BCAS3: variants seen among roughly 807,000 people sequenced by gnomAD.
The protein encoded by BCAS3 is BCAS3 microtubule associated cell migration factor, also known as BCAS4/BCAS3 fusion.
BCAS3 carries 53 observed loss-of-function variants against 116.1 expected under a neutral mutation model. The ratio of observed to expected loss-of-function variants is 0.46; its 90% CI spans 0.37 to 0.57. The LOEUF is 0.57. Among genes scored for constraint, BCAS3 ranks in the 20% least tolerant of loss-of-function variants. The pLI is 0.00. For missense variants in BCAS3, 917 were observed against 1,165.4 expected, an observed-to-expected ratio of 0.79 and a Z score of 3.10; for synonymous variants, 391 against 408.2, an observed-to-expected ratio of 0.96 and a Z score of 0.51.
intron 22 of BCAS3, among the ~76,000 whole-genome samples, chr17:61,340,140 G>A (rs891702446): frequency 2.0e-5 from 3 of 152,134 alleles, no homozygotes; most frequent in African/African-American, 7.2e-5. Flanking sequence ...CTCTTTCAAG[G>A]AGTTTTGATT....
At chr17:61,273,978 C>A (rs1471816897) in intron 22 of BCAS3, among the ~76,000 whole-genome samples, 2 of 148,116 alleles carry the variant, frequency 1.4e-5, no homozygotes, top group Non-Finnish European at 3.0e-5. Context: ...TATTATTATA[C>A]TTTAAGTTTT....
In BCAS3 at chr17:61,132,117, C is replaced by T. The variant is rs2076373854; in HGVS notation, c.2425+47553C>T. Among the ~76,000 whole-genome samples the T allele has an allele frequency of 6.6e-6, 1 of 152,150 alleles. No individual in the cohort carries two copies. ...TAAAATTCTTCAGACTTGACACTTGCCTAATTTCTCAGATCATTAAATCAC... is the reference window on the plus strand; with the variant it reads ...TAAAATTCTTCAGACTTGACACTTGTCTAATTTCTCAGATCATTAAATCAC... On this transcript the variant is annotated intron_variant, in intron 22 of 23. Transcript: ENST00000407086. The surrounding 1 kb of genome is among the most constrained non-coding windows in gnomAD (Gnocchi z 5.1).
At chr17:61,225,895 G>A (rs981302837) in intron 22 of BCAS3, among the ~76,000 whole-genome samples, 2 of 152,156 alleles carry the variant, frequency 1.3e-5, no homozygotes, top group Non-Finnish European at 2.9e-5. Context: ...GGAAGGCTTC[G>A]TTATTGGTGA....
At chr17:61,225,522 T>C (rs2082327936) in intron 22 of BCAS3, among the ~76,000 whole-genome samples, 1 of 152,144 alleles carries the variant, frequency 6.6e-6, no homozygotes, top group Non-Finnish European at 1.5e-5. Flanking sequence ...ATAAGGCCTT[T>C]TTCTTCTTTC....
At chr17:60,805,922 G>A (rs888773053) in intron 6 of BCAS3, among the ~76,000 whole-genome samples, 9 of 149,520 alleles carry the variant, frequency 6.0e-5, no homozygotes, top group African/African-American at 2.2e-4. Flanking sequence ...GCTGGCGTTG[G>A]CATGATCTTG....
rs1446542264 is a variant in BCAS3 at position 61,349,723 on chromosome 17, C to T, written c.2426-18604C>T. 6.6e-6 allele frequency among the ~76,000 whole-genome samples: 1 copy of T among 152,192 alleles called. No individual in the cohort carries two copies. The highest frequency in any genetic ancestry group is 2.4e-5 in the African/African-American group (1 of 41,454). ...TTTTGGGCAATTGCCATGGAAAGAG[C>T]TAACTCTACTTTTTTATATATTTAA... On this transcript the variant is annotated intron_variant, in intron 22 of 23. Coordinates refer to ENST00000407086, the MANE Select transcript of BCAS3 (RefSeq NM_017679.5). The surrounding 1 kb of genome is among the most constrained non-coding windows in gnomAD (Gnocchi z 4.7).
chr17:61,271,099 G>A (rs921942611), intron 22 of BCAS3, among the ~76,000 whole-genome samples: 1 of 143,500 alleles, frequency 7.0e-6, no homozygotes, highest in Non-Finnish European at 1.5e-5. Flanking sequence ...TGTACATGGT[G>A]TAAGGGAAGG....
intron 21 of BCAS3, among the ~76,000 whole-genome samples, chr17:61,079,882 ATTTT>A (rs745702399): frequency 1.7e-4 from 11 of 65,888 alleles, no homozygotes; most frequent in African/African-American, 6.6e-4. Context: ...AGGCATGAGT[ATTTT>A]TTTTTTTTTT....
At chr17:60,916,206 G>A (rs2058771867) in intron 12 of BCAS3, among the ~76,000 whole-genome samples, 4 of 152,160 alleles carry the variant, frequency 2.6e-5, no homozygotes, top group Admixed American at 2.0e-4. Context: ...CTTTTAGAAA[G>A]GAAATGTGCA....
In BCAS3 at chr17:61,356,479, T is replaced by A. The variant is rs547722467; in HGVS notation, c.2426-11848T>A. ...TTCCCTGAAGCACCTCCATGTTTGT[T>A]CTGAATGTGGAGCCAGTCGAGATTC... On this transcript the variant is annotated intron_variant, in intron 22 of 23. Coordinates refer to ENST00000407086, the MANE Select transcript of BCAS3 (RefSeq NM_017679.5). The surrounding 1 kb of genome is among the most constrained non-coding windows in gnomAD (Gnocchi z 5.4). Among the ~76,000 whole-genome samples the A allele has an allele frequency of 2.1e-3, 321 of 152,308 alleles. 3 individuals carry two copies. Among genetic ancestry groups the A allele is most frequent in the African/African-American group, 7.6e-3 (315 of 41,568 alleles).
At chr17:60,905,580 T>C (rs920142475) in intron 11 of BCAS3, among the ~76,000 whole-genome samples, 1 of 152,198 alleles carries the variant, frequency 6.6e-6, no homozygotes, top group Non-Finnish European at 1.5e-5. Flanking sequence ...TTGTGTGTTG[T>C]TTCTGCTCGT....
At chr17:60,695,493 G>C (rs2035477174) in intron 4 of BCAS3, among the ~76,000 whole-genome samples, 1 of 152,154 alleles carries the variant, frequency 6.6e-6, no homozygotes, top group Non-Finnish European at 1.5e-5. Context: ...GAACAATGCT[G>C]TAATGAACAT....
In BCAS3 at chr17:61,286,955, G is replaced by GA. The variant is rs1237520648; in HGVS notation, c.2426-81371dup. ...AGATGCCATGGTCTTTACACCTAAA[G>GA]AGCTCTATGGAGGCCAGGCGTGGTG... On this transcript the variant is annotated intron_variant, in intron 22 of 23. Transcript: ENST00000407086. This position sits in a 1 kb window ranked among gnomAD's most constrained non-coding sequence, Gnocchi z 4.8. 6.6e-6 allele frequency among the ~76,000 whole-genome samples: 1 copy of GA among 152,150 alleles called. No individual in the cohort carries two copies. The highest frequency in any genetic ancestry group is 1.9e-4 in the East Asian group (1 of 5,184).
At chr17:60,980,644 C>T (rs925321941) in intron 14 of BCAS3, 1 of 151,734 alleles carries the variant, frequency 6.6e-6, no homozygotes, top group Non-Finnish European at 1.5e-5. Flanking sequence ...AGCAATACTC[C>T]CACCTCGGCC....
In BCAS3 at chr17:61,347,277, A is replaced by T. The variant is rs1277647333; in HGVS notation, c.2426-21050A>T. 6.6e-6 allele frequency among the ~76,000 whole-genome samples: 1 copy of T among 152,092 alleles called. No homozygotes were observed. Among genetic ancestry groups the T allele is most frequent in the Non-Finnish European group, 1.5e-5 (1 of 68,016 alleles). ...TTATATTTTTAGTAGAGACGGGGTT[A>T]CACCGTGTTGGCCAGGCTGGTCTCG... On this transcript the variant is annotated intron_variant, in intron 22 of 23. Transcript: ENST00000407086. This position sits in a 1 kb window ranked among gnomAD's most constrained non-coding sequence, Gnocchi z 4.3.
chr17:61,295,493 C>G (rs2144720021), intron 22 of BCAS3, among the ~76,000 whole-genome samples: 1 of 152,288 alleles, frequency 6.6e-6, no homozygotes, highest in South Asian at 2.1e-4. Context: ...CTGTCTCTGC[C>G]AGGGGAACTC....
intron 6 of BCAS3, among the ~76,000 whole-genome samples, chr17:60,795,546 T>C (rs1351348098): frequency 1.3e-5 from 2 of 152,216 alleles, no homozygotes; most frequent in Non-Finnish European, 1.5e-5. Context: ...TTATGTTGGC[T>C]GTGGGTTTGT....
At chr17:60,689,245 T>TGCACGA (rs2034493198) in intron 3 of BCAS3, among the ~76,000 whole-genome samples, 1 of 152,164 alleles carries the variant, frequency 6.6e-6, no homozygotes, top group Non-Finnish European at 1.5e-5. Flanking sequence ...ACGATCTCTG[T>TGCACGA]TCATTGCAAT....
At chr17:60,842,693 A>G (rs1218417587) in intron 7 of BCAS3, among the ~76,000 whole-genome samples, 1 of 151,988 alleles carries the variant, frequency 6.6e-6, no homozygotes, top group Non-Finnish European at 1.5e-5. Context: ...TGAGTGTGCT[A>G]TCTTTTCTTT....
Sources: allele counts gnomAD v4.1 joint callset (sites outside exome capture counted in the v4.1 genomes callset), GRCh38; gene constraint gnomAD v4.1.1; non-coding constraint Gnocchi (gnomAD v3.1); transcripts MANE v1.5; gene names NCBI Gene and HGNC (gene_info 2026-07-23, HGNC 2026-07-21).